Variants in SLC22A25 observed in about 807,000 individuals in gnomAD.
SLC22A25 encodes MGI:2442751, MGI:2385316, MGI:3042283, MGI:3645714, MGI:3605624, MGI:2442750.
In SLC22A25, 44 loss-of-function variants were observed where a neutral mutation model predicts 45.9. The ratio of observed to expected loss-of-function variants is 0.96; its 90% CI spans 0.75 to 1.23. The LOEUF (loss-of-function observed/expected upper bound fraction) is 1.23, where lower values mean the gene tolerates loss of function less well. Among genes scored for constraint, SLC22A25 ranks in the 50% most tolerant of loss-of-function variants. The probability of loss-of-function intolerance (pLI) is 0.00; values close to 1 mark genes in which losing one functional copy is unlikely to be tolerated. For synonymous variants in SLC22A25, 283 were observed against 238.6 expected (o/e 1.19, Z -1.72); for missense variants, 800 against 666.4 (o/e 1.20, Z -2.21).
At chr11:63,227,055 C>T (rs1374503497) in intron 5 of SLC22A25, among the ~76,000 whole-genome samples, 1 of 152,092 alleles carries the variant, frequency 6.6e-6, no homozygotes, top group East Asian at 1.9e-4. Flanking sequence ...CCCATCTGGC[C>T]CAGAGTAGGT....
rs967974546 is a variant in SLC22A25, at chr11:63,185,981, G to A, written c.831-2164C>T. ...GGGTTGGTTCCAAGTCTTTGCTATC[G>A]TGAATAATGCCACAATAAACATACG... On this transcript the variant is annotated intron_variant, in intron 7 of 11. Coordinates refer to ENST00000306494, the MANE Select transcript of SLC22A25 (RefSeq NM_199352.6). Among the ~76,000 whole-genome samples the A allele has an allele frequency of 7.2e-5, 11 of 152,066 alleles. No homozygotes were observed. In the South Asian group the frequency reaches 1.0e-3, roughly 14 times the overall value.
chr11:63,210,619 AC>A (rs2089532168), intron 7 of SLC22A25, among the ~76,000 whole-genome samples: 1 of 152,104 alleles, frequency 6.6e-6, no homozygotes, highest in Non-Finnish European at 1.5e-5. Flanking sequence ...AATTTTGAGG[AC>A]TGAGACAGAC....
chr11:63,199,782 C>T (rs1185193586), intron 7 of SLC22A25, among the ~76,000 whole-genome samples: 2 of 151,410 alleles, frequency 1.3e-5, no homozygotes, highest in Non-Finnish European at 2.9e-5. Context: ...GAAGCCACTA[C>T]CCAAAAATCA....
Position 63,161,608 on chromosome 11 carries a change from C to T in SLC22A25, c.*2216G>A, listed in dbSNP as rs547673791. Reference sequence around the variant, plus strand: ...GATGGTTTTATAAAAGGGAGTTTCCCTGCAAAAATTATCTTTTTGCCTGCT... The same window carrying T: ...GATGGTTTTATAAAAGGGAGTTTCCTTGCAAAAATTATCTTTTTGCCTGCT... On this transcript the variant is annotated 3_prime_UTR_variant, in exon 12 of 12. Coordinates refer to ENST00000306494, the MANE Select transcript of SLC22A25 (RefSeq NM_199352.6). Among the ~76,000 whole-genome samples the T allele has an allele frequency of 5.3e-5, 8 of 152,266 alleles. No homozygotes were observed. Among genetic ancestry groups the T allele is most frequent in the African/African-American group, 1.7e-4 (7 of 41,568 alleles).
intron 7 of SLC22A25, among the ~76,000 whole-genome samples, chr11:63,199,765 A>G (rs2089178927): frequency 6.6e-6 from 1 of 152,098 alleles, no homozygotes; most frequent in South Asian, 2.1e-4. Flanking sequence ...ACCCTAAAAA[A>G]ACACCTGAAG....
In SLC22A25 at chr11:63,232,090, G is replaced by T. The variant is rs537801663; in HGVS notation, c.-444-1994C>A. On this transcript the variant is annotated intron_variant, in intron 3 of 11. Transcript: ENST00000306494. ...GTGATGCTTCCAGCTTTGTTCTTTT[G>T]GCTTAGGATTGACTTGGCAATGCGG... 1.6e-3 allele frequency among the ~76,000 whole-genome samples: 245 copies of T among 152,150 alleles called. 3 individuals carry two copies. The highest frequency in any genetic ancestry group is 5.8e-3 in the African/African-American group (240 of 41,486).
chr11:63,166,024 C>T lies in SLC22A25; in HGVS notation c.1285+20G>A, dbSNP rs1221027730. Reference sequence around the variant, plus strand: ...AGAGGGAAAGACATTTTCTTTCTTCCACCTGTGAACTTTTCTCACCTTGAG... The same window carrying T: ...AGAGGGAAAGACATTTTCTTTCTTCTACCTGTGAACTTTTCTCACCTTGAG... On this transcript the variant is annotated intron_variant, in intron 10 of 11. Transcript: ENST00000306494. 1.2e-6 allele frequency: 2 copies of T among 1,610,356 alleles called. No individual in the cohort carries two copies. Among genetic ancestry groups the T allele is most frequent in the Admixed American group, 1.7e-5 (1 of 59,916 alleles).
Position 63,161,218 on chromosome 11 carries a change from C to T in SLC22A25, c.*2606G>A, listed in dbSNP as rs1186807098. ...TGGATGTATTTATCCAATGCCTGTA[C>T]CCCCATTGTATCTAGGAAGTAACCA... On this transcript the variant is annotated 3_prime_UTR_variant, in exon 12 of 12. Transcript: ENST00000306494. Among the ~76,000 whole-genome samples, 1 of 152,092 alleles carries T rather than the reference C, an allele frequency of 6.6e-6. No homozygotes were observed. Among genetic ancestry groups the T allele is most frequent in the Non-Finnish European group, 1.5e-5 (1 of 68,028 alleles).
At chr11:63,183,664 C>G (rs1325648830) in intron 8 of SLC22A25, 30 bp downstream of exon 8, 1 of 1,611,658 alleles carries the variant, frequency 6.2e-7, no homozygotes. Context: ...GTCTTCCCAG[C>G]ATCCCATATC....
Position 63,225,834 on chromosome 11 carries a change from T to C in SLC22A25, c.506+2627A>G, listed in dbSNP as rs542183375. Among the ~76,000 whole-genome samples the C allele has an allele frequency of 5.9e-5, 9 of 152,224 alleles. No individual in the cohort carries two copies. The East Asian group carries it at 1.4e-3, about 23-fold the overall frequency. The stretch of plus-strand genomic sequence containing the variant: ...TCCTTCTTTTTAATTCTTTTCACTT[T>C]TGTCTCCTCTGACTCTGTGTTTTTA... On this transcript the variant is annotated intron_variant, in intron 5 of 11. Transcript: ENST00000306494.
At chr11:63,242,989 G>C (rs957467833) in intron 1 of SLC22A25, 1 of 156,048 alleles carries the variant, frequency 6.4e-6, no homozygotes, top group Non-Finnish European at 1.4e-5. Flanking sequence ...GAGATGAGGG[G>C]AATGCTTTTG....
At chr11:63,218,574 C>T (rs769864786) in intron 5 of SLC22A25, among the ~76,000 whole-genome samples, 3 of 152,240 alleles carry the variant, frequency 2.0e-5, no homozygotes, top group South Asian at 4.1e-4. Context: ...CAAGTTCTCT[C>T]CTATGTACTT....
chr11:63,210,458 AG>A (rs1313702319), intron 7 of SLC22A25, among the ~76,000 whole-genome samples: 1 of 152,200 alleles, frequency 6.6e-6, no homozygotes, highest in Non-Finnish European at 1.5e-5. Flanking sequence ...CCAATGTGCA[AG>A]ATGCAGGCAA....
In SLC22A25 at chr11:63,224,915, C is replaced by T. The variant is rs376271492; in HGVS notation, c.506+3546G>A. 6.3e-4 allele frequency among the ~76,000 whole-genome samples: 96 copies of T among 152,130 alleles called. 5 individuals carry two copies. The highest frequency in any genetic ancestry group is 3.7e-3 in the East Asian group (19 of 5,150). On this transcript the variant is annotated intron_variant, in intron 5 of 11. Coordinates refer to ENST00000306494, the MANE Select transcript of SLC22A25 (RefSeq NM_199352.6). The stretch of plus-strand genomic sequence containing the variant: ...GAGATGGAGACCATCCTGGCTAACA[C>T]GGTGAAACCCTGTCTCTACTAAAAA...
chr11:63,184,274 G>A (rs974814681), intron 7 of SLC22A25, among the ~76,000 whole-genome samples: 4 of 152,186 alleles, frequency 2.6e-5, no homozygotes, highest in Middle Eastern at 3.4e-3. Flanking sequence ...GGATATATTA[G>A]CAAGTCATTT....
At chr11:63,198,332 G>A (rs542723157) in intron 7 of SLC22A25, among the ~76,000 whole-genome samples, 153 of 152,210 alleles carry the variant, frequency 1.0e-3, no homozygotes, top group Non-Finnish European at 1.5e-3. Flanking sequence ...CTCAAATGTC[G>A]ATCAATGATA....
chr11:63,176,982 T>C (rs1388288831), intron 9 of SLC22A25, among the ~76,000 whole-genome samples: 1 of 152,026 alleles, frequency 6.6e-6, no homozygotes, highest in Non-Finnish European at 1.5e-5. Context: ...TGGGAAACTC[T>C]TTATTTCTCT....
Position 63,163,301 on chromosome 11 carries a change from C to A in SLC22A25, c.*523G>T, listed in dbSNP as rs1465377976. Among the ~76,000 whole-genome samples the A allele has an allele frequency of 6.6e-6, 1 of 152,218 alleles. No homozygotes were observed. Among genetic ancestry groups the A allele is most frequent in the Non-Finnish European group, 1.5e-5 (1 of 68,032 alleles). On this transcript the variant is annotated 3_prime_UTR_variant, in exon 12 of 12. Coordinates refer to ENST00000306494, the MANE Select transcript of SLC22A25 (RefSeq NM_199352.6). ...TTACTTAAAAAATTCCTTTACTTAT[C>A]ACTTCTTTTCCCCTTTTCCAACGCT...
At chr11:63,236,923 C>T (rs2090174789) in intron 3 of SLC22A25, among the ~76,000 whole-genome samples, 1 of 152,218 alleles carries the variant, frequency 6.6e-6, no homozygotes, top group Non-Finnish European at 1.5e-5. Flanking sequence ...TTGTATCCAG[C>T]ATAGAACACT....
Sources: allele counts gnomAD v4.1 joint callset (sites outside exome capture counted in the v4.1 genomes callset), GRCh38; gene constraint gnomAD v4.1.1; transcripts MANE v1.5; gene names NCBI Gene and HGNC (gene_info 2026-07-23, HGNC 2026-07-21).